Variants in STK3 observed in about 807,000 individuals in gnomAD.
The protein encoded by STK3 is serine/threonine kinase 3.
A neutral mutation model predicts 58.0 loss-of-function variants in STK3; 41 were observed. That is an observed-to-expected ratio of 0.71 (90% CI 0.55 to 0.92). STK3 has a LOEUF of 0.92. STK3 is among the 40% of genes least tolerant of loss of function. The probability of loss-of-function intolerance (pLI) is 0.00; values close to 1 mark genes in which losing one functional copy is unlikely to be tolerated. For missense variants in STK3, 479 were observed against 602.7 expected (o/e 0.79, Z 2.15); for synonymous variants, 170 against 191.0 (o/e 0.89, Z 0.91).
intron 3 of STK3, among the ~76,000 whole-genome samples, chr8:98,416,516 T>C (rs901360907): frequency 6.6e-6 from 1 of 152,160 alleles, no homozygotes; most frequent in East Asian, 1.9e-4. Context: ...GCTCCTTCTC[T>C]CAGGAGACAC....
At chr8:98,460,853 G>A (rs900284095) in intron 10 of STK3, among the ~76,000 whole-genome samples, 3 of 152,232 alleles carry the variant, frequency 2.0e-5, no homozygotes. Context: ...CCCCAGGCAC[G>A]CAGAACTATG....
chr8:98,633,476 G>T (rs1819404727), intron 6 of STK3: 2 of 602,288 alleles, frequency 3.3e-6, no homozygotes, highest in Non-Finnish European at 6.1e-6. Context: ...TGATCCAGAA[G>T]AAGGTAGAAC....
chr8:98,531,253 T>G (rs1284403577), intron 9 of STK3, among the ~76,000 whole-genome samples: 4 of 152,228 alleles, frequency 2.6e-5, no homozygotes, highest in African/African-American at 9.6e-5. Flanking sequence ...ATAATAAGAC[T>G]TGAAAGTCTA....
In STK3 at chr8:98,417,863, C is replaced by G. The variant is rs532177625; in HGVS notation, n.483+16264G>C. Reference sequence around the variant, plus strand: ...TGGCAGCCCCCCAGGCATTCTCCTTCCAGAACGCCTCGCTGTTCAAGTAGT... The same window carrying G: ...TGGCAGCCCCCCAGGCATTCTCCTTGCAGAACGCCTCGCTGTTCAAGTAGT... On this transcript the variant is annotated intron_variant and non_coding_transcript_variant, in intron 3 of 3. Transcript: ENST00000517832. Among the ~76,000 whole-genome samples the G allele has an allele frequency of 1.7e-3, 254 of 152,288 alleles. 6 individuals carry two copies. The South Asian group carries it at 0.052, about 31-fold the overall frequency.
intron 6 of STK3, among the ~76,000 whole-genome samples, chr8:98,617,126 T>C (rs893984592): frequency 4.0e-5 from 6 of 151,770 alleles, no homozygotes; most frequent in African/African-American, 1.5e-4. Context: ...CAGACCACAG[T>C]GCAATCAAAC....
chr8:98,754,418 A>G (rs1830164597), intron 3 of STK3, among the ~76,000 whole-genome samples: 2 of 151,958 alleles, frequency 1.3e-5, no homozygotes, highest in African/African-American at 4.8e-5. Context: ...TAAAAGCTCT[A>G]CCGGTGACTC....
At chr8:98,571,814 A>G (rs1171978939) in intron 8 of STK3, among the ~76,000 whole-genome samples, 1 of 152,150 alleles carries the variant, frequency 6.6e-6, no homozygotes, top group Non-Finnish European at 1.5e-5. Flanking sequence ...TTTGCTCAAC[A>G]TTTCACTTAA....
intron 6 of STK3, among the ~76,000 whole-genome samples, chr8:98,640,332 G>C (rs1587122671): frequency 1.3e-5 from 2 of 152,100 alleles, no homozygotes; most frequent in Non-Finnish European, 2.9e-5. Context: ...ATACAGGCTT[G>C]AGCAACTGTG....
chr8:98,495,784 C>T (rs1402387371), intron 10 of STK3, among the ~76,000 whole-genome samples: 1 of 152,144 alleles, frequency 6.6e-6, no homozygotes, highest in Non-Finnish European at 1.5e-5. Flanking sequence ...TTTTGTCTCA[C>T]TATTAATGCA....
Position 98,455,759 on chromosome 8 carries a change from G to T in STK3, c.*83C>A. On this transcript the variant is annotated 3_prime_UTR_variant, in exon 11 of 11. Transcript: ENST00000419617. Reference sequence around the variant, plus strand: ...TGCCTAATTGTAGGGCAAAATCTTAGGATTAAAAATATCCAAATATTCCTT... The same window carrying T: ...TGCCTAATTGTAGGGCAAAATCTTATGATTAAAAATATCCAAATATTCCTT... The T allele has an allele frequency of 1.3e-6, 2 of 1,531,266 alleles. No individual in the cohort carries two copies. Among genetic ancestry groups the T allele is most frequent in the Non-Finnish European group, 1.8e-6 (2 of 1,131,348 alleles). 94.9% of individuals were successfully genotyped at this position (1,531,266 alleles called of 1,614,324 possible).
chr8:98,872,614 A>C (rs1587782540), intron 3 of STK3, among the ~76,000 whole-genome samples: 1 of 152,112 alleles, frequency 6.6e-6, no homozygotes, highest in African/African-American at 2.4e-5. Flanking sequence ...TAGATTTTCT[A>C]GTTTATTTGT....
At position 98,444,695 on chromosome 8, in the gene STK3, C is replaced by T. The variant is rs909017144; in HGVS notation, n.186-7487G>A. Among the ~76,000 whole-genome samples, 8 of 151,998 alleles carry T rather than the reference C, an allele frequency of 5.3e-5. 1 individual carries two copies. In the South Asian group the frequency reaches 6.2e-4, roughly 12 times the overall value. On this transcript the variant is annotated intron_variant and non_coding_transcript_variant, in intron 1 of 3. Transcript: ENST00000517832. Reference sequence around the variant, plus strand: ...TGGGCAGAAAATACAAGGGGAATGGCGTTTGGTCATGTTGAACTTGAGGTA... The same window carrying T: ...TGGGCAGAAAATACAAGGGGAATGGTGTTTGGTCATGTTGAACTTGAGGTA...
rs1460495602 is a variant in STK3 at position 98,596,053 on chromosome 8, A to T, written c.801T>A (p.Ala267=). Residue 267 remains alanine, a synonymous_variant, in exon 7 of 11, where the codon GCT becomes GCA. Coordinates refer to ENST00000419617, the MANE Select transcript of STK3 (RefSeq NM_006281.4). ...TGACCTGTAAAAGTTGTGTTGCAGTAGCTCTCTGCTCAGGATTCTTCACCA... is the reference window on the plus strand; with the variant it reads ...TGACCTGTAAAAGTTGTGTTGCAGTTGCTCTCTGCTCAGGATTCTTCACCA... ...KCLVKNPEQR[A]TATQLLQHPF... 6.2e-7 allele frequency: 1 copy of T among 1,613,394 alleles called. No homozygotes were observed. The highest frequency in any genetic ancestry group is 1.7e-5 in the Admixed American group (1 of 59,938).
At chr8:98,620,984 C>T (rs537293382) in intron 6 of STK3, among the ~76,000 whole-genome samples, 161 of 141,950 alleles carry the variant, frequency 1.1e-3, no homozygotes, top group African/African-American at 4.2e-3. Context: ...GGCTGGAGTG[C>T]AGTGGCGGGA....
intron 10 of STK3, among the ~76,000 whole-genome samples, chr8:98,479,762 A>G (rs1257608082): frequency 6.6e-6 from 1 of 152,218 alleles, no homozygotes; most frequent in African/African-American, 2.4e-5. Flanking sequence ...GACAATCAAC[A>G]GAAGCCAACC....
intron 3 of STK3, among the ~76,000 whole-genome samples, chr8:98,754,722 C>T (rs1830185241): frequency 6.6e-6 from 1 of 152,158 alleles, no homozygotes; most frequent in African/African-American, 2.4e-5. Flanking sequence ...GTTGACCAGG[C>T]TTGTCTTGAA....
At chr8:98,444,433 C>G (rs557152684) in intron 1 of STK3, among the ~76,000 whole-genome samples, 134 of 152,200 alleles carry the variant, frequency 8.8e-4, no homozygotes, top group African/African-American at 3.2e-3. Context: ...AGGGTGAGAT[C>G]GACTGAGGAG....
intron 3 of STK3, among the ~76,000 whole-genome samples, chr8:98,419,255 G>T (rs1020606247): frequency 2.0e-5 from 3 of 152,126 alleles, no homozygotes; most frequent in Non-Finnish European, 4.4e-5. Flanking sequence ...CACCTACTTG[G>T]GAAGCTGAGG....
chr8:98,435,431 T>C (rs1208229966), intron 2 of STK3, among the ~76,000 whole-genome samples: 1 of 152,192 alleles, frequency 6.6e-6, no homozygotes, highest in Non-Finnish European at 1.5e-5. Context: ...CTTCATTCTT[T>C]TGTCACCAGG....
Sources: gnomAD v4.1 joint callset for allele counts (sites outside exome capture counted in the v4.1 genomes callset) on GRCh38, gnomAD v4.1.1 for gene constraint, MANE v1.5 for transcripts, NCBI Gene and HGNC (gene_info 2026-07-23, HGNC 2026-07-21) for gene names.